The following HK1 variants were observed in gnomAD, a reference collection of about 807,000 sequenced individuals.
HK1 encodes hexokinase-1.
HK1 carries 28 observed loss-of-function variants against 91.6 expected under a neutral mutation model. The observed-to-expected ratio is 0.31, with a 90% CI of 0.23 to 0.42. HK1 has a LOEUF of 0.42. Among genes scored for constraint, HK1 ranks in the 10% least tolerant of loss-of-function variants. The probability of loss-of-function intolerance (pLI) is 1.00; values close to 1 mark genes in which losing one functional copy is unlikely to be tolerated. For synonymous variants in HK1, 430 were observed against 468.1 expected (o/e 0.92, Z 1.05); for missense variants, 770 against 1,219.8 (o/e 0.63, Z 5.49).
intron 3 of HK1, among the ~76,000 whole-genome samples, chr10:69,290,294 A>G (rs1287851417): frequency 6.6e-6 from 1 of 152,166 alleles, no homozygotes; most frequent in East Asian, 1.9e-4. Context: ...CCTGATTAGT[A>G]TCTGAAAGTG....
chr10:69,364,667 A>T, intron 3 of HK1, 116 bp from the exon 4 acceptor site: 1 of 1,290,720 alleles, frequency 7.7e-7, no homozygotes, highest in Non-Finnish European at 1.1e-6. Context: ...GAGTACGAGC[A>T]CTTTGTTTGG....
intron 10 of HK1, among the ~76,000 whole-genome samples, chr10:69,383,334 G>A (rs1308196460): frequency 6.6e-6 from 1 of 152,166 alleles, no homozygotes; most frequent in Non-Finnish European, 1.5e-5. Flanking sequence ...CAGGGCCTGG[G>A]GAGTTTCGCA....
At chr10:69,334,530 C>T (rs1046595833) in intron 1 of HK1, among the ~76,000 whole-genome samples, 7 of 152,150 alleles carry the variant, frequency 4.6e-5, no homozygotes, top group Non-Finnish European at 7.4e-5. Flanking sequence ...AGGCCGCTGC[C>T]GGGGGAGAAG....
intron 2 of HK1, among the ~76,000 whole-genome samples, chr10:69,351,028 A>G (rs1848832664): frequency 1.4e-5 from 2 of 147,006 alleles, no homozygotes; most frequent in Non-Finnish European, 3.0e-5. Context: ...AAAAAAAATT[A>G]GCTGGGCGTG....
chr10:69,359,884 T>C lies in HK1; in HGVS notation c.227-13T>C. The C allele has an allele frequency of 6.2e-7, 1 of 1,613,650 alleles. No individual in the cohort carries two copies. Among genetic ancestry groups the C allele is most frequent in the Non-Finnish European group, 8.5e-7 (1 of 1,179,592 alleles). ...TTTGAATCTCATGTGATACCTGTTG[T>C]CTCCCTAAACAGAAAAGGGAGATTT... is the stretch of plus-strand genomic sequence containing the variant. On this transcript the variant is annotated splice_polypyrimidine_tract_variant and intron_variant, in intron 2 of 17. Coordinates refer to ENST00000359426, the MANE Select transcript of HK1 (RefSeq NM_000188.3).
intron 2 of HK1, among the ~76,000 whole-genome samples, chr10:69,284,312 C>T (rs1844910894): frequency 6.6e-6 from 1 of 152,140 alleles, no homozygotes; most frequent in Admixed American, 6.5e-5. Flanking sequence ...ATGAGGAGTT[C>T]TTGTGAACTA....
chr10:69,387,142 G>A, intron 13 of HK1, among the ~76,000 whole-genome samples: 1 of 152,092 alleles, frequency 6.6e-6, no homozygotes, highest in Non-Finnish European at 1.5e-5. Flanking sequence ...ATTTAGACAA[G>A]AATAAGACCA....
At chr10:69,321,103 T>G (rs570069018) in intron 1 of HK1, among the ~76,000 whole-genome samples, 24 of 152,332 alleles carry the variant, frequency 1.6e-4, no homozygotes, top group Non-Finnish European at 1.5e-5. Flanking sequence ...AGATGTTTGC[T>G]TGCATTTCAC....
At chr10:69,333,908 C>T (rs1220153477) in intron 1 of HK1, among the ~76,000 whole-genome samples, 1 of 152,086 alleles carries the variant, frequency 6.6e-6, no homozygotes, top group Non-Finnish European at 1.5e-5. Context: ...GTCAAGAGAT[C>T]AAGACCATCC....
At chr10:69,341,078 A>C (rs1848266830) in intron 1 of HK1, among the ~76,000 whole-genome samples, 1 of 152,132 alleles carries the variant, frequency 6.6e-6, no homozygotes, top group Non-Finnish European at 1.5e-5. Context: ...GCCACCAGCC[A>C]GAATAGGGCA....
intron 2 of HK1, among the ~76,000 whole-genome samples, chr10:69,353,168 A>T (rs1389037794): frequency 6.6e-6 from 1 of 152,158 alleles, no homozygotes; most frequent in African/African-American, 2.4e-5. Flanking sequence ...CAACCATGTG[A>T]TCAGAGGGTT....
chr10:69,400,908 G>A (rs1840356595), intron 17 of HK1, 83 bp from the exon 18 acceptor site: 3 of 1,407,608 alleles, frequency 2.1e-6, no homozygotes, highest in African/African-American at 1.4e-5. Context: ...CAGTCAGGGG[G>A]CTGTCTGTGC....
intron 2 of HK1, among the ~76,000 whole-genome samples, chr10:69,346,345 G>A (rs1310136989): frequency 1.3e-5 from 2 of 152,174 alleles, no homozygotes; most frequent in Non-Finnish European, 2.9e-5. Context: ...CAAGGCAAAG[G>A]AAGGAAACAA....
At chr10:69,305,592 C>T (rs1357294219) in intron 5 of HK1, among the ~76,000 whole-genome samples, 1 of 152,044 alleles carries the variant, frequency 6.6e-6, no homozygotes, top group African/African-American at 2.4e-5. Context: ...TGGTAGTTCA[C>T]ACCTGTAATC....
intron 1 of HK1, among the ~76,000 whole-genome samples, chr10:69,331,725 C>G (rs988684137): frequency 1.3e-5 from 2 of 151,460 alleles, no homozygotes; most frequent in Non-Finnish European, 2.9e-5. Context: ...TAATTAAAAA[C>G]GTCAGCTGGG....
chr10:69,400,948 C>G (rs372951871), intron 17 of HK1, 43 bp from the exon 18 acceptor site: 6 of 1,613,016 alleles, frequency 3.7e-6, no homozygotes, highest in Non-Finnish European at 4.2e-6. Flanking sequence ...CCCAGCGTCT[C>G]TCATCTTCCT....
chr10:69,387,072 C>A (rs919382219), intron 13 of HK1, among the ~76,000 whole-genome samples: 1 of 152,074 alleles, frequency 6.6e-6, no homozygotes, highest in Non-Finnish European at 1.5e-5. Context: ...TTCACAGAGT[C>A]CACAAACAAT....
chr10:69,327,572 G>C (rs1847456944), intron 1 of HK1, among the ~76,000 whole-genome samples: 1 of 152,112 alleles, frequency 6.6e-6, no homozygotes, highest in Admixed American at 6.5e-5. Flanking sequence ...GTTTCTCTAG[G>C]CTCTAAGCTG....
intron 17 of HK1, among the ~76,000 whole-genome samples, chr10:69,400,214 A>G (rs539736048): frequency 9.2e-5 from 14 of 152,288 alleles, no homozygotes; most frequent in Non-Finnish European, 1.8e-4. Context: ...GGCTCAAGTG[A>G]TCCTCCCACC....
Sources: allele counts gnomAD v4.1 joint callset (sites outside exome capture counted in the v4.1 genomes callset), GRCh38; gene constraint gnomAD v4.1.1; transcripts MANE v1.5; gene names NCBI Gene and HGNC (gene_info 2026-07-23, HGNC 2026-07-21).